Variants in CLSTN2 observed in about 807,000 individuals in gnomAD.
CLSTN2 encodes the protein calsyntenin-2.
Under a neutral mutation model 101.2 loss-of-function variants are expected in CLSTN2, and 48 were observed. The observed-to-expected ratio is 0.47, with a 90% CI of 0.38 to 0.60. The LOEUF (loss-of-function observed/expected upper bound fraction) is 0.60, where lower values mean the gene tolerates loss of function less well. Among genes scored for constraint, CLSTN2 ranks in the 20% least tolerant of loss-of-function variants. The pLI, the probability that CLSTN2 is intolerant of heterozygous loss-of-function variation, is 0.00. For synonymous variants in CLSTN2, 481 were observed against 463.6 expected, an observed-to-expected ratio of 1.04 and a Z score of -0.48; for missense variants, 1,160 against 1,238.2, an observed-to-expected ratio of 0.94 and a Z score of 0.95.
chr3:140,536,828 A>G (rs1295935265), intron 9 of CLSTN2, among the ~76,000 whole-genome samples: 1 of 152,230 alleles, frequency 6.6e-6, no homozygotes, highest in Admixed American at 6.5e-5. Flanking sequence ...GTTCCTTATC[A>G]CTGGAATGTA....
At chr3:140,470,798 C>T (rs970452356) in intron 8 of CLSTN2, among the ~76,000 whole-genome samples, 6 of 152,096 alleles carry the variant, frequency 3.9e-5, no homozygotes, top group Admixed American at 6.5e-5. Context: ...TGAATGGAGC[C>T]GGTGGCAGGG....
At chr3:140,562,533 GA>G (rs1262070318) in intron 13 of CLSTN2, among the ~76,000 whole-genome samples, 1 of 152,164 alleles carries the variant, frequency 6.6e-6, no homozygotes, top group Non-Finnish European at 1.5e-5. Context: ...TTCTTTTGTA[GA>G]AGCTAGGTGG....
chr3:140,375,050 A>G (rs2087901635), intron 2 of CLSTN2, among the ~76,000 whole-genome samples: 4 of 152,240 alleles, frequency 2.6e-5, no homozygotes, highest in Admixed American at 6.5e-5. Flanking sequence ...TGATGCCTGG[A>G]CTCTATAATG....
chr3:140,230,646 GAC>G (rs1221895998), intron 2 of CLSTN2, among the ~76,000 whole-genome samples: 5 of 152,286 alleles, frequency 3.3e-5, no homozygotes, highest in Non-Finnish European at 5.9e-5. Context: ...GCTCTCTGCA[GAC>G]ACAAAATCTG....
At chr3:140,396,527 A>G (rs919821788) in intron 2 of CLSTN2, among the ~76,000 whole-genome samples, 4 of 152,214 alleles carry the variant, frequency 2.6e-5, no homozygotes, top group African/African-American at 9.6e-5. Context: ...TAATCCTCCC[A>G]ATAACCAATA....
chr3:140,187,925 C>T (rs2010505949), intron 2 of CLSTN2, among the ~76,000 whole-genome samples: 1 of 152,124 alleles, frequency 6.6e-6, no homozygotes, highest in African/African-American at 2.4e-5. Flanking sequence ...CACTTCCACC[C>T]CACCCAGGAC....
intron 1 of CLSTN2, among the ~76,000 whole-genome samples, chr3:139,963,601 T>C (rs1935545497): frequency 1.3e-5 from 2 of 152,238 alleles, no homozygotes; most frequent in Non-Finnish European, 2.9e-5. Flanking sequence ...AATTCTGCTG[T>C]GAGCTTTTTG....
intron 2 of CLSTN2, among the ~76,000 whole-genome samples, chr3:140,391,389 C>T (rs1054006429): frequency 3.4e-5 from 5 of 147,892 alleles, no homozygotes; most frequent in East Asian, 2.0e-4. Context: ...GCGGGAGGGG[C>T]GGGTATTTTT....
intron 2 of CLSTN2, among the ~76,000 whole-genome samples, chr3:140,268,899 C>T (rs370992043): frequency 2.0e-5 from 3 of 152,258 alleles, no homozygotes; most frequent in East Asian, 3.9e-4. Flanking sequence ...TTGCTGTGAT[C>T]GGCAATCAAA....
At chr3:140,390,697 C>T (rs1000923888) in intron 2 of CLSTN2, among the ~76,000 whole-genome samples, 6 of 152,166 alleles carry the variant, frequency 3.9e-5, no homozygotes, top group African/African-American at 1.2e-4. Flanking sequence ...CTATTTCTCC[C>T]TTTAACTCTA....
At chr3:140,372,723 A>G (rs1362282742) in intron 2 of CLSTN2, among the ~76,000 whole-genome samples, 2 of 152,198 alleles carry the variant, frequency 1.3e-5, no homozygotes, top group African/African-American at 2.4e-5. Context: ...GTAATGCTCT[A>G]TAAAAGTGCA....
intron 9 of CLSTN2, among the ~76,000 whole-genome samples, chr3:140,536,361 A>G (rs865976940): frequency 9.2e-5 from 14 of 151,778 alleles, no homozygotes; most frequent in Admixed American, 1.3e-4. Context: ...CTCCTCCACA[A>G]CCTTCTCTGA....
chr3:140,119,724 G>A (rs534674101), intron 1 of CLSTN2, among the ~76,000 whole-genome samples: 1 of 152,122 alleles, frequency 6.6e-6, no homozygotes, highest in Non-Finnish European at 1.5e-5. Context: ...GCCCAGGCTG[G>A]TCTCAAATTC....
chr3:140,437,901 T>G (rs550159239), intron 5 of CLSTN2, among the ~76,000 whole-genome samples: 1 of 152,346 alleles, frequency 6.6e-6, no homozygotes, highest in African/African-American at 2.4e-5. Context: ...CATAGTCATT[T>G]GAACATTATG....
chr3:140,504,061 C>T (rs190004599), intron 8 of CLSTN2, among the ~76,000 whole-genome samples: 2 of 152,304 alleles, frequency 1.3e-5, no homozygotes, highest in Admixed American at 1.3e-4. Context: ...AAATAGTCTT[C>T]AGTCTGAGCA....
At chr3:140,475,094 T>C (rs960730823) in intron 8 of CLSTN2, among the ~76,000 whole-genome samples, 4 of 130,014 alleles carry the variant, frequency 3.1e-5, no homozygotes, top group African/African-American at 1.0e-4. Flanking sequence ...CTCACCCTTG[T>C]AGTGCAGGTA....
At chr3:140,558,948 T>A in intron 12 of CLSTN2, 91 bp downstream of exon 12, 1 of 993,476 alleles carries the variant, frequency 1.0e-6, no homozygotes, top group Non-Finnish European at 1.5e-6. Flanking sequence ...ATTGTTCATG[T>A]AATGTATACA....
chr3:140,360,731 C>T lies in CLSTN2; in HGVS notation c.233-42898C>T, dbSNP rs147758910. On this transcript the variant is annotated intron_variant, in intron 2 of 16. Transcript: ENST00000458420. The stretch of plus-strand genomic sequence containing the variant: ...GGGGAATATTAGGAACAATTTTATG[C>T]CAATAAATTAAACAATTTTGATGAA... Among the ~76,000 whole-genome samples the T allele has an allele frequency of 1.1e-4, 17 of 151,710 alleles. No homozygotes were observed. The East Asian group carries it at 2.3e-3, about 21-fold the overall frequency.
chr3:140,347,457 A>G (rs1414239607), intron 2 of CLSTN2, among the ~76,000 whole-genome samples: 1 of 152,220 alleles, frequency 6.6e-6, no homozygotes, highest in Non-Finnish European at 1.5e-5. Context: ...TGGTGTGAAC[A>G]TATTAACTCA....
Sources: gnomAD v4.1 joint callset for allele counts (sites outside exome capture counted in the v4.1 genomes callset) on GRCh38, gnomAD v4.1.1 for gene constraint, MANE v1.5 for transcripts, NCBI Gene and HGNC (gene_info 2026-07-23, HGNC 2026-07-21) for gene names.